ABCA12: variants seen among roughly 807,000 people sequenced by gnomAD.
ABCA12 encodes the protein glucosylceramide transporter ABCA12.
A neutral mutation model predicts 293.5 loss-of-function variants in ABCA12; 156 were observed. The ratio of observed to expected loss-of-function variants is 0.53; its 90% CI spans 0.47 to 0.61. The LOEUF (loss-of-function observed/expected upper bound fraction) is 0.61. ABCA12 is among the 20% of genes least tolerant of loss of function. The pLI, the probability that ABCA12 is intolerant of heterozygous loss-of-function variation, is 0.00. For synonymous variants in ABCA12, 1,063 were observed against 1,108.0 expected (o/e 0.96, Z 0.81); for missense variants, 2,797 against 3,090.2 (o/e 0.91, Z 2.25).
chr2:214,949,738 C>A (rs1030676063), intron 45 of ABCA12, among the ~76,000 whole-genome samples: 1 of 152,070 alleles, frequency 6.6e-6, no homozygotes, highest in African/African-American at 2.4e-5. Context: ...AAACTGATGT[C>A]TTTATGATGT....
At chr2:215,060,371 T>G (rs1381032802) in intron 3 of ABCA12, among the ~76,000 whole-genome samples, 1 of 152,082 alleles carries the variant, frequency 6.6e-6, no homozygotes, top group Admixed American at 6.6e-5. Flanking sequence ...ACATAATAAT[T>G]AAGACATTCT....
rs1442050272 is a variant in ABCA12 at position 215,026,845 on chromosome 2, A to T, written c.1155T>A (p.Thr385=). ...IPYLACVRNV[T]DSLARGSPEN... ...CTGGTGAACCTCTGGCCAAACTGTCAGTCACATTTCTCACACATGCCAAGT... is the reference window on the plus strand; with the variant it reads ...CTGGTGAACCTCTGGCCAAACTGTCTGTCACATTTCTCACACATGCCAAGT... The change falls in exon 10 of 53, where the codon ACT becomes ACA. Residue 385 remains threonine (T), a synonymous_variant. Transcript: ENST00000272895. 2 of 1,612,322 alleles carry T rather than the reference A, an allele frequency of 1.2e-6. No homozygotes were observed.
At chr2:215,088,000 G>T (rs1242743874) in intron 2 of ABCA12, among the ~76,000 whole-genome samples, 1 of 152,172 alleles carries the variant, frequency 6.6e-6, no homozygotes, top group East Asian at 1.9e-4. Context: ...CATTGAAAGT[G>T]GCTGGAGTGT....
intron 9 of ABCA12, 128 bp from the exon 10 acceptor site, chr2:215,027,066 C>T (rs144526981): frequency 0.015 from 10,606 of 700,664 alleles, 134 homozygotes; most frequent in Non-Finnish European, 0.021. Flanking sequence ...TGCAGTTGGC[C>T]GGGCGCGGTG....
chr2:214,968,403 C>T (rs1258775958), intron 38 of ABCA12, among the ~76,000 whole-genome samples: 1 of 152,042 alleles, frequency 6.6e-6, no homozygotes, highest in Non-Finnish European at 1.5e-5. Flanking sequence ...TGAGTTCTTT[C>T]ATTTCCATTG....
chr2:214,969,568 AT>A (rs1210343978), intron 37 of ABCA12, among the ~76,000 whole-genome samples: 3 of 152,218 alleles, frequency 2.0e-5, no homozygotes, highest in African/African-American at 7.2e-5. Flanking sequence ...TTGGTTTATA[AT>A]AAAACCCATT....
intron 1 of ABCA12, among the ~76,000 whole-genome samples, chr2:215,134,061 AAAAG>A (rs1209228337): frequency 2.0e-5 from 3 of 152,082 alleles, no homozygotes; most frequent in Non-Finnish European, 2.9e-5. Context: ...TTTACAAAAA[AAAAG>A]AGAGAGACAT....
Position 215,070,531 on chromosome 2 carries a change from C to A in ABCA12, c.164-6312G>T, listed in dbSNP as rs186134976. On this transcript the variant is annotated intron_variant, in intron 2 of 52. Coordinates refer to ENST00000272895, the MANE Select transcript of ABCA12 (RefSeq NM_173076.3). ...GTATATCTCCTAATGCTATCCCTCC[C>A]CCCTCCCCCCACCCCACAACAGTCC... Among the ~76,000 whole-genome samples the A allele has an allele frequency of 6.3e-3, 640 of 101,568 alleles. 2 individuals carry two copies. Among genetic ancestry groups the A allele is most frequent in the Middle Eastern group, 0.031 (4 of 130 alleles). 66.6% of individuals were successfully genotyped at this position (101,568 alleles called of 152,430 possible).
chr2:214,948,499 T>C, intron 47 of ABCA12, 97 bp downstream of exon 47: 1 of 1,269,076 alleles, frequency 7.9e-7, no homozygotes, highest in Non-Finnish European at 1.1e-6. Flanking sequence ...TGAGGGGAAA[T>C]GGTGGGGCAG....
At chr2:215,123,226 T>G (rs1184400325) in intron 1 of ABCA12, among the ~76,000 whole-genome samples, 1 of 152,128 alleles carries the variant, frequency 6.6e-6, no homozygotes, top group East Asian at 1.9e-4. Flanking sequence ...CAGGCTGGAG[T>G]GCAGTGGCGC....
In ABCA12 at chr2:215,000,749, T is replaced by C. The variant is rs1423474463; in HGVS notation, c.3135A>G (p.Ala1045=). 6.2e-7 allele frequency: 1 copy of C among 1,614,010 alleles called. No individual in the cohort carries two copies. The change falls in exon 22 of 53, where the codon GCA becomes GCG. Residue 1045 remains alanine (A), a synonymous_variant. Transcript: ENST00000272895. ...GATAAGGAATTGCTTGAACCTGGAC[T>C]GCTATTTCCTGGGAGTTCCTTCCAG... ...LQTGRNSQEI[A]VQVQAIPYPC... is the part of the protein sequence containing the mutation.
At chr2:215,036,877 T>G in intron 8 of ABCA12, 76 bp downstream of exon 8, 1 of 1,284,366 alleles carries the variant, frequency 7.8e-7, no homozygotes, top group Non-Finnish European at 1.1e-6. Flanking sequence ...CATGATTACT[T>G]TCATTGCACT....
chr2:215,075,715 G>A (rs935023466), intron 2 of ABCA12: 1 of 583,714 alleles, frequency 1.7e-6, no homozygotes, highest in Non-Finnish European at 3.0e-6. Context: ...TAAAAGTAAT[G>A]AAATGGAGAA....
intron 52 of ABCA12, among the ~76,000 whole-genome samples, 184 bp downstream of exon 52, chr2:214,933,894 C>G (rs1224478186): frequency 2.0e-5 from 3 of 152,014 alleles, no homozygotes; most frequent in Admixed American, 1.3e-4. Context: ...TCTTTCACAT[C>G]TATTTTTTTA....
At chr2:215,071,962 A>G (rs1701746944) in intron 2 of ABCA12, among the ~76,000 whole-genome samples, 2 of 152,176 alleles carry the variant, frequency 1.3e-5, no homozygotes, top group Admixed American at 6.5e-5. Flanking sequence ...GTGTGGTGCC[A>G]TGATACATTC....
intron 9 of ABCA12, chr2:215,029,184 AC>A (rs987670429): frequency 5.1e-4 from 2 of 3,930 alleles, no homozygotes; most frequent in Admixed American, 5.9e-3. Flanking sequence ...TTCCCTGTTC[AC>A]CCCGACCCCA....
At chr2:215,057,727 G>A (rs1701447304) in intron 3 of ABCA12, among the ~76,000 whole-genome samples, 1 of 152,046 alleles carries the variant, frequency 6.6e-6, no homozygotes, top group Non-Finnish European at 1.5e-5. Context: ...CACATGACAA[G>A]CACTGGATAC....
intron 7 of ABCA12, chr2:215,044,434 C>T (rs1701162117): frequency 6.6e-6 from 1 of 152,086 alleles, no homozygotes; most frequent in African/African-American, 2.4e-5. Context: ...TCAAATAATT[C>T]CCCTTCTCCT....
chr2:214,941,080 A>G (rs371305430), intron 50 of ABCA12, among the ~76,000 whole-genome samples: 4 of 151,828 alleles, frequency 2.6e-5, no homozygotes, highest in African/African-American at 9.6e-5. Flanking sequence ...GATCTTTCCC[A>G]TTTTCTCCTG....
Sources: allele counts gnomAD v4.1 joint callset (sites outside exome capture counted in the v4.1 genomes callset), GRCh38; gene constraint gnomAD v4.1.1; transcripts MANE v1.5; gene names NCBI Gene and HGNC (gene_info 2026-07-23, HGNC 2026-07-21).